Variants in RAP1GAP observed in about 807,000 individuals in gnomAD.
RAP1GAP encodes the protein rap1 GTPase-activating protein 1.
In RAP1GAP, 35 loss-of-function variants were observed where a neutral mutation model predicts 87.2. The ratio of observed to expected loss-of-function variants is 0.40; its 90% CI spans 0.31 to 0.53. RAP1GAP has a LOEUF of 0.53. RAP1GAP is among the 20% of genes least tolerant of loss of function. The pLI is 0.48. For missense variants in RAP1GAP, 734 were observed against 898.9 expected, an observed-to-expected ratio of 0.82 and a Z score of 2.35; for synonymous variants, 375 against 363.9, an observed-to-expected ratio of 1.03 and a Z score of -0.35.
At chr1:21,665,192 G>A (rs1188893137) in intron 1 of RAP1GAP, 1 of 500,598 alleles carries the variant, frequency 2.0e-6, no homozygotes, top group East Asian at 5.6e-5. Context: ...AACAGACTCA[G>A]AGGGAGAGAG....
At chr1:21,660,353 T>TATATATATATATATATATATATATATAGA in intron 1 of RAP1GAP, among the ~76,000 whole-genome samples, 1 of 26,838 alleles carries the variant, frequency 3.7e-5, no homozygotes, top group Non-Finnish European at 8.4e-5. Context: ...ATATATTTAT[T>TATATATATATATATATATATATATATAGA]GAGACAGTCT....
intron 3 of RAP1GAP, among the ~76,000 whole-genome samples, chr1:21,620,358 G>C (rs2086140490): frequency 1.3e-5 from 2 of 152,166 alleles, no homozygotes; most frequent in Non-Finnish European, 2.9e-5. Flanking sequence ...CCAAGTCCCA[G>C]CTGCAGAGAT....
Position 21,611,312 on chromosome 1 carries a change from G to A in RAP1GAP, c.843+140C>T, listed in dbSNP as rs558975910. 4,684 of 1,244,702 alleles carry A rather than the reference G, an allele frequency of 3.8e-3. 16 individuals are homozygous for A. Among genetic ancestry groups the A allele is most frequent in the Non-Finnish European group, 4.6e-3 (4,188 of 913,148 alleles). The allele number at this position is 1,244,702 out of a possible 1,614,324, so 77.1% of individuals were successfully genotyped here. A position where few individuals can be genotyped will look rare whatever the true frequency, so the allele number is the denominator to read the frequency against. On this transcript the variant is annotated intron_variant, in intron 13 of 24. Transcript: ENST00000374765. The stretch of plus-strand genomic sequence containing the variant: ...CTTTCTGTCTCCCCTGACCCAACGA[G>A]ACCCCACAAGTGGGGGCGCTGATCA...
intron 2 of RAP1GAP, among the ~76,000 whole-genome samples, chr1:21,638,132 C>A: frequency 7.1e-6 from 1 of 140,962 alleles, no homozygotes. Flanking sequence ...GCCTGAGTAA[C>A]AGAGCAAGAT....
rs1250322988 is a variant in RAP1GAP at position 21,634,001 on chromosome 1, G to A, written c.-112-7604C>T. ...TCCTAGCCCTGGGCATCGGGTCTGAGGGGACTCGAATCTCCTGAAACCAGA... is the reference window on the plus strand; with the variant it reads ...TCCTAGCCCTGGGCATCGGGTCTGAAGGGACTCGAATCTCCTGAAACCAGA... On this transcript the variant is annotated intron_variant, in intron 2 of 24. Transcript: ENST00000374765. The surrounding 1 kb of genome is among the most constrained non-coding windows in gnomAD (Gnocchi z 4.1). Among the ~76,000 whole-genome samples the A allele has an allele frequency of 6.6e-6, 1 of 151,806 alleles. No homozygotes were observed. The highest frequency in any genetic ancestry group is 2.4e-5 in the African/African-American group (1 of 41,312).
At chr1:21,663,721 C>G (rs2097236104) in intron 1 of RAP1GAP, among the ~76,000 whole-genome samples, 1 of 152,054 alleles carries the variant, frequency 6.6e-6, no homozygotes, top group South Asian at 2.1e-4. Context: ...ACCCATCTGC[C>G]CCACCTCCAC....
chr1:21,607,074 C>T (rs900639123), intron 17 of RAP1GAP, among the ~76,000 whole-genome samples: 2 of 152,192 alleles, frequency 1.3e-5, no homozygotes, highest in African/African-American at 2.4e-5. Flanking sequence ...ACCCATAGCT[C>T]CAGCTGTGTG....
chr1:21,621,063 C>T (rs2086955588), intron 3 of RAP1GAP, among the ~76,000 whole-genome samples: 1 of 152,196 alleles, frequency 6.6e-6, no homozygotes, highest in Non-Finnish European at 1.5e-5. Flanking sequence ...TTCTGAGTTA[C>T]ACAGGAGCAC....
At chr1:21,639,838 G>A (rs555988125) in intron 2 of RAP1GAP, among the ~76,000 whole-genome samples, 6 of 152,334 alleles carry the variant, frequency 3.9e-5, no homozygotes, top group South Asian at 2.1e-4. Flanking sequence ...CTGGTGGTGC[G>A]AGAGGGTGTG....
In RAP1GAP at chr1:21,649,771, G is replaced by C. The variant is rs372126308; in HGVS notation, c.-123C>G. On this transcript the variant is annotated 5_prime_UTR_variant, in exon 2 of 25. Transcript: ENST00000374765. ...GTCCCCAGTACTCACCACACACTCC[G>C]GCGAGAAGTGAAGGACTTGTCCACC... 1.3e-6 allele frequency: 2 copies of C among 1,552,478 alleles called. No individual in the cohort carries two copies. Among genetic ancestry groups the C allele is most frequent in the Admixed American group, 2.0e-5 (1 of 51,040 alleles).
rs2069415367 is a variant in RAP1GAP, at chr1:21,602,392, G to C, written c.1538+412C>G. 2.6e-5 allele frequency among the ~76,000 whole-genome samples: 4 copies of C among 152,214 alleles called. 1 individual carries two copies. In the South Asian group the frequency reaches 8.3e-4, roughly 32 times the overall value. The stretch of plus-strand genomic sequence containing the variant: ...CCGGGGGCAGCCCTGCTGCTGGCCT[G>C]GGCTCACTGCCCTCATGCTGCCCAC... On this transcript the variant is annotated intron_variant, in intron 19 of 24. Transcript: ENST00000374765.
intron 5 of RAP1GAP, among the ~76,000 whole-genome samples, chr1:21,618,372 T>C (rs574962000): frequency 9.9e-5 from 15 of 152,244 alleles, no homozygotes; most frequent in African/African-American, 3.6e-4. Context: ...CCATGCACCC[T>C]CCTCTAACCC....
At chr1:21,606,427 G>A (rs950302364) in intron 17 of RAP1GAP, among the ~76,000 whole-genome samples, 4 of 152,220 alleles carry the variant, frequency 2.6e-5, no homozygotes, top group African/African-American at 4.8e-5. Context: ...CCTAAGGGTA[G>A]CTCAGGTATT....
chr1:21,611,801 G>A lies in RAP1GAP; in HGVS notation c.628C>T (p.Leu210Phe). ...GGACTTTCCTCATTGGTGCTGAAGA[G>A]TTCTTCCTCGGAGGTCTGGGGATGA... ...QKLGQTSEEE[L>F]FSTNEESPAF... Residue 210 changes from leucine to phenylalanine, a missense_variant, in exon 12 of 25, where the codon CTC becomes TTC. Coordinates refer to ENST00000374765, the MANE Select transcript of RAP1GAP (RefSeq NM_002885.4). The A allele has an allele frequency of 6.2e-7, 1 of 1,613,410 alleles. No homozygotes were observed.
Position 21,622,356 on chromosome 1 carries a change from C to A in RAP1GAP, c.-18-2306G>T, listed in dbSNP as rs1212083966. ...GTCCTCACCTGCCAGCTGGCCCCCG[C>A]GGGCAGCGAGCCCCTCCGCGGACGG... On this transcript the variant is annotated intron_variant, in intron 3 of 24. Coordinates refer to ENST00000374765, the MANE Select transcript of RAP1GAP (RefSeq NM_002885.4). The surrounding 1 kb of genome is among the most constrained non-coding windows in gnomAD (Gnocchi z 5.7). 2.6e-5 allele frequency: 12 copies of A among 467,348 alleles called. No homozygotes were observed. Among genetic ancestry groups the A allele is most frequent in the Non-Finnish European group, 4.2e-5 (11 of 264,896 alleles). The allele number at this position is 467,348 out of a possible 1,614,324, so 29.0% of individuals were successfully genotyped here. A position where few individuals can be genotyped will look rare whatever the true frequency, so the allele number is the denominator to read the frequency against.
chr1:21,606,672 C>CT (rs981903832), intron 17 of RAP1GAP, among the ~76,000 whole-genome samples: 1 of 152,160 alleles, frequency 6.6e-6, no homozygotes, highest in African/African-American at 2.4e-5. Context: ...CTCCCACCCT[C>CT]TTTCCTTGTT....
At chr1:21,667,813 C>G (rs569803697) in intron 1 of RAP1GAP, 1 of 152,300 alleles carries the variant, frequency 6.6e-6, no homozygotes, top group Non-Finnish European at 1.5e-5. Flanking sequence ...AGCGCCTGCC[C>G]TGAAATATTG....
At chr1:21,667,888 G>T (rs916545904) in intron 1 of RAP1GAP, among the ~76,000 whole-genome samples, 2 of 152,270 alleles carry the variant, frequency 1.3e-5, no homozygotes, top group East Asian at 1.9e-4. Flanking sequence ...CCTTCCCAAG[G>T]CCATCAAGGA....
In RAP1GAP at chr1:21,601,533, T is replaced by C. The variant is rs2068519249; in HGVS notation, c.1652+151A>G. On this transcript the variant is annotated intron_variant, in intron 20 of 24. Transcript: ENST00000374765. The stretch of plus-strand genomic sequence containing the variant: ...GCACAAAGTGCTCGCTGGGTATATG[T>C]CAAAGGAGGGCCCCAGAGAATGCCC... 3 of 515,010 alleles carry C rather than the reference T, an allele frequency of 5.8e-6. No homozygotes were observed. In the Admixed American group the frequency reaches 1.0e-4, roughly 18 times the overall value. 31.9% of individuals were successfully genotyped at this position (515,010 alleles called of 1,614,324 possible).
Sources: allele counts gnomAD v4.1 joint callset (sites outside exome capture counted in the v4.1 genomes callset), GRCh38; gene constraint gnomAD v4.1.1; non-coding constraint Gnocchi (gnomAD v3.1); transcripts MANE v1.5; gene names NCBI Gene and HGNC (gene_info 2026-07-23, HGNC 2026-07-21).